LAMA3: variants seen among roughly 807,000 people sequenced by gnomAD.
LAMA3 encodes the protein laminin subunit alpha 3, also known as laminin subunit alpha-3.
In LAMA3, 281 loss-of-function variants were observed where a neutral mutation model predicts 402.0. The observed-to-expected ratio is 0.70, with a 90% CI of 0.63 to 0.77. The LOEUF is 0.77. Among genes scored for constraint, LAMA3 ranks in the 30% least tolerant of loss-of-function variants. LAMA3 has a pLI of 0.00. For missense variants in LAMA3, 3,840 were observed against 4,215.5 expected, an observed-to-expected ratio of 0.91 and a Z score of 2.47; for synonymous variants, 1,431 against 1,558.4, an observed-to-expected ratio of 0.92 and a Z score of 1.93.
At chr18:23,911,842 T>C (rs1327958718) in intron 55 of LAMA3, among the ~76,000 whole-genome samples, 1 of 146,918 alleles carries the variant, frequency 6.8e-6, no homozygotes. Context: ...TATAGTGTTA[T>C]ATAATTATAT....
chr18:23,914,737 C>T lies in LAMA3; in HGVS notation c.7521C>T (p.Ala2507=). 2 of 1,613,718 alleles carry T rather than the reference C, an allele frequency of 1.2e-6. No homozygotes were observed. The highest frequency in any genetic ancestry group is 1.7e-6 in the Non-Finnish European group (2 of 1,179,720). Residue 2507 remains alanine (A), a synonymous_variant, in exon 58 of 75, where the codon GCC becomes GCT. Coordinates refer to ENST00000313654, the MANE Select transcript of LAMA3 (RefSeq NM_198129.4). Reference sequence around the variant, plus strand: ...CAAGGCTTAATTACACCAAAGGAGCCACATCCAGTAAACCAGAAACACCCG... The same window carrying T: ...CAAGGCTTAATTACACCAAAGGAGCTACATCCAGTAAACCAGAAACACCCG... ...QFARLNYTKG[A]TSSKPETPGV...
chr18:23,882,351 CG>C lies in LAMA3; in HGVS notation c.5222+309del, dbSNP rs1040619231. 4.4e-4 allele frequency among the ~76,000 whole-genome samples: 67 copies of C among 152,096 alleles called. 1 individual carries two copies. The highest frequency in any genetic ancestry group is 1.5e-3 in the African/African-American group (64 of 41,488). ...CATACAAGAAAACAAATGAATAGGC[CG>C]GGTGTGGTGGCTCATGCCTGTAATC... On this transcript the variant is annotated intron_variant, in intron 40 of 74. Transcript: ENST00000313654.
rs897166205 is a variant in LAMA3 at position 23,751,039 on chromosome 18, T to A, written c.806T>A (p.Leu269His). The A allele has an allele frequency of 1.2e-6, 2 of 1,614,074 alleles. No homozygotes were observed. Among genetic ancestry groups the A allele is most frequent in the Admixed American group, 3.3e-5 (2 of 59,998 alleles). Residue 269 changes from leucine to histidine, a missense_variant, in exon 5 of 75, where the codon CTT becomes CAT. This residue lies in a region of LAMA3 where 2,109 missense variants were observed against 2,376.0 expected (regional missense o/e 0.89). Transcript: ENST00000313654. ...RLRFLRTNTL[L>H]GHLISKAQRD... ...CGTTTTCTTAGAACCAATACGCTTC[T>A]TGGACACCTCATCTCCAAAGCCCAG...
At chr18:23,919,258 C>T (rs1004713941) in intron 60 of LAMA3, among the ~76,000 whole-genome samples, 2 of 152,142 alleles carry the variant, frequency 1.3e-5, no homozygotes, top group Non-Finnish European at 2.9e-5. Context: ...GAAAAGAACT[C>T]GGTCCCTGGA....
At chr18:23,936,221 T>A (rs2082308304) in intron 67 of LAMA3, among the ~76,000 whole-genome samples, 2 of 151,496 alleles carry the variant, frequency 1.3e-5, no homozygotes, top group Admixed American at 1.3e-4. Flanking sequence ...TTTTTATTTT[T>A]ATTTTTTCTT....
rs776068068 is a variant in LAMA3 at position 23,921,040 on chromosome 18, G to A, written c.8029G>A (p.Gly2677Ser). Residue 2677 changes from glycine to serine, a missense_variant, in exon 61 of 75, where the codon GGC becomes AGC. This residue lies in a region of LAMA3 where 840 missense variants were observed against 981.9 expected (regional missense o/e 0.86). Coordinates refer to ENST00000313654, the MANE Select transcript of LAMA3 (RefSeq NM_198129.4). ...AGGAGTTGGAGACGCCATAAACAAC[G>A]GCAGAGACCATTCGGTACACCTTTT... ...ERGVGDAINNGRDHSIQIKIG... is the reference protein window; with the variant it reads ...ERGVGDAINNSRDHSIQIKIG... The A allele has an allele frequency of 3.1e-6, 5 of 1,613,992 alleles. No individual in the cohort carries two copies. Among genetic ancestry groups the A allele is most frequent in the East Asian group, 4.5e-5 (2 of 44,876 alleles).
At chr18:23,816,338 CA>C (rs780929293) in intron 17 of LAMA3, 49 bp from the exon 18 acceptor site, 1 of 1,429,250 alleles carries the variant, frequency 7.0e-7, no homozygotes. Flanking sequence ...GGGAGGCGCT[CA>C]GTGTGGAGAT....
chr18:23,945,143 A>G (rs1246290563), intron 69 of LAMA3, among the ~76,000 whole-genome samples: 3 of 152,214 alleles, frequency 2.0e-5, no homozygotes, highest in African/African-American at 4.8e-5. Context: ...AAAAATAAAA[A>G]TAAAAAAAAT....
intron 60 of LAMA3, among the ~76,000 whole-genome samples, chr18:23,917,900 G>C (rs932977955): frequency 4.6e-5 from 7 of 151,984 alleles, no homozygotes; most frequent in Non-Finnish European, 7.4e-5. Flanking sequence ...TTTTGTTTTT[G>C]TTGCAATTGC....
intron 12 of LAMA3, among the ~76,000 whole-genome samples, chr18:23,786,902 G>A (rs966315225): frequency 2.6e-5 from 4 of 152,208 alleles, no homozygotes; most frequent in Admixed American, 1.3e-4. Flanking sequence ...ACAGTAAATT[G>A]AGCTAGCAGA....
At chr18:23,816,260 A>T (rs1427656183) in intron 17 of LAMA3, 128 bp from the exon 18 acceptor site, 5 of 738,326 alleles carry the variant, frequency 6.8e-6, no homozygotes, top group Non-Finnish European at 1.2e-5. Context: ...TGCCAGACAG[A>T]TGTGGCAGAG....
chr18:23,941,723 G>T (rs1435781885), intron 68 of LAMA3, among the ~76,000 whole-genome samples: 2 of 152,184 alleles, frequency 1.3e-5, no homozygotes, highest in African/African-American at 4.8e-5. Context: ...CATAGCTACA[G>T]TATCATGTAC....
intron 74 of LAMA3, 93 bp downstream of exon 74, chr18:23,953,202 A>G: frequency 2.0e-6 from 3 of 1,536,098 alleles, no homozygotes; most frequent in Non-Finnish European, 2.7e-6. Context: ...TTGGCTGGAC[A>G]GTGGAGATGG....
intron 37 of LAMA3, among the ~76,000 whole-genome samples, chr18:23,869,299 T>G (rs1380006828): frequency 6.6e-6 from 1 of 152,232 alleles, no homozygotes; most frequent in African/African-American, 2.4e-5. Flanking sequence ...ACAAAGTTTT[T>G]GTATACTGTT....
intron 36 of LAMA3, among the ~76,000 whole-genome samples, chr18:23,866,594 T>G (rs1488896299): frequency 6.6e-6 from 1 of 152,226 alleles, no homozygotes; most frequent in East Asian, 1.9e-4. Context: ...TATTTCAGTT[T>G]CATGTTTTTG....
At chr18:23,842,889 G>A (rs2063735896) in intron 29 of LAMA3, 139 bp downstream of exon 29, 1 of 1,043,062 alleles carries the variant, frequency 9.6e-7, no homozygotes, top group African/African-American at 1.6e-5. Flanking sequence ...TTTTACAGCT[G>A]TCTTTTACCC....
chr18:23,870,075 T>G (rs1226487428), intron 37 of LAMA3, among the ~76,000 whole-genome samples: 1 of 151,488 alleles, frequency 6.6e-6, no homozygotes, highest in East Asian at 1.9e-4. Context: ...GAGGCTGAGG[T>G]GGGCAGATCA....
chr18:23,901,686 TATACTTTTTAATGAAC>T (rs780179160), intron 48 of LAMA3, among the ~76,000 whole-genome samples: 176 of 152,358 alleles, frequency 1.2e-3, no homozygotes, highest in Non-Finnish European at 2.2e-3. Flanking sequence ...GTCAAATATG[TATACTTTTTAATGAAC>T]ATAATTATCA....
Position 23,901,319 on chromosome 18 carries a change from T to A in LAMA3, c.6197T>A (p.Ile2066Asn). 6.2e-7 allele frequency: 1 copy of A among 1,613,444 alleles called. No individual in the cohort carries two copies. Among genetic ancestry groups the A allele is most frequent in the South Asian group, 1.1e-5 (1 of 91,036 alleles). Residue 2066 changes from isoleucine (I) to asparagine (N), a missense_variant, in exon 48 of 75, where the codon ATT becomes AAT. This residue lies in a region of LAMA3 where 891 missense variants were observed against 857.5 expected (regional missense o/e 1.04). Coordinates refer to ENST00000313654, the MANE Select transcript of LAMA3 (RefSeq NM_198129.4). ...NQENERALGA[I>N]QRQVKEINSL... Reference sequence around the variant, plus strand: ...GAAAACGAGAGAGCTTTGGGAGCCATTCAGGTGAGTTCACAGTTTGAAGTT... The same window carrying A: ...GAAAACGAGAGAGCTTTGGGAGCCAATCAGGTGAGTTCACAGTTTGAAGTT...
Sources: allele counts gnomAD v4.1 joint callset (sites outside exome capture counted in the v4.1 genomes callset), GRCh38; gene constraint gnomAD v4.1.1; regional missense constraint gnomAD v4.1.1; transcripts MANE v1.5; gene names NCBI Gene and HGNC (gene_info 2026-07-23, HGNC 2026-07-21).